SMAGP: variants seen among roughly 807,000 people sequenced by gnomAD.
SMAGP encodes small cell transmembrane and glycosylated protein.
A neutral mutation model predicts 10.1 loss-of-function variants in SMAGP; 7 were observed. The ratio of observed to expected loss-of-function variants is 0.70; its 90% CI spans 0.40 to 1.31. The LOEUF (loss-of-function observed/expected upper bound fraction) is 1.31. Ranked by LOEUF, SMAGP falls within the 50% of genes most tolerant of loss-of-function variation. The pLI, the probability that SMAGP is intolerant of heterozygous loss-of-function variation, is 0.01. For synonymous variants in SMAGP, 49 were observed against 47.2 expected (o/e 1.04, Z -0.16); for missense variants, 113 against 116.5 (o/e 0.97, Z 0.14).
chr12:51,253,918 A>G (rs1004975198), intron 2 of SMAGP, among the ~76,000 whole-genome samples: 1 of 152,228 alleles, frequency 6.6e-6, no homozygotes, highest in Non-Finnish European at 1.5e-5. Context: ...ACAAAAAAAA[A>G]GAGGACAAAC....
At chr12:51,257,455 AT>A (rs1944895592) in intron 2 of SMAGP, among the ~76,000 whole-genome samples, 1 of 152,170 alleles carries the variant, frequency 6.6e-6, no homozygotes, top group Non-Finnish European at 1.5e-5. Context: ...TGTGCCTATA[AT>A]CCCAGCACTT....
intron 2 of SMAGP, among the ~76,000 whole-genome samples, chr12:51,247,490 G>T (rs572270958): frequency 3.9e-5 from 6 of 151,974 alleles, no homozygotes; most frequent in African/African-American, 7.3e-5. Flanking sequence ...CTCCTGCTAC[G>T]GGTTTATTTA....
intron 2 of SMAGP, among the ~76,000 whole-genome samples, chr12:51,255,072 G>C (rs1430694220): frequency 1.3e-5 from 2 of 152,096 alleles, no homozygotes; most frequent in Admixed American, 1.3e-4. Context: ...GCCTCAGTCT[G>C]TCCTCCAGGC....
chr12:51,256,126 A>C (rs1944882686), intron 2 of SMAGP, among the ~76,000 whole-genome samples: 2 of 152,130 alleles, frequency 1.3e-5, no homozygotes, highest in African/African-American at 4.8e-5. Flanking sequence ...TCAGTGAGAA[A>C]GTGGTGAGAT....
At chr12:51,257,992 A>AAAAAAT (rs1944900845) in intron 2 of SMAGP, among the ~76,000 whole-genome samples, 1 of 152,138 alleles carries the variant, frequency 6.6e-6, no homozygotes, top group Admixed American at 6.6e-5. Context: ...ATCTCTACAA[A>AAAAAAT]AAAAATAAAA....
intron 2 of SMAGP, among the ~76,000 whole-genome samples, chr12:51,264,884 A>T (rs1944961334): frequency 1.4e-5 from 2 of 147,980 alleles, no homozygotes; most frequent in Non-Finnish European, 3.0e-5. Context: ...GTGAGCCGAG[A>T]TGGTGCCACT....
At chr12:51,258,873 G>C (rs1379519706) in intron 2 of SMAGP, among the ~76,000 whole-genome samples, 1 of 151,112 alleles carries the variant, frequency 6.6e-6, no homozygotes, top group Admixed American at 6.6e-5. Flanking sequence ...AAGGCTGGGT[G>C]CAGTGGCTCA....
rs1944751770 is a variant in SMAGP, at chr12:51,245,287, A to T, written c.*654T>A. On this transcript the variant is annotated 3_prime_UTR_variant, in exon 4 of 4. Coordinates refer to ENST00000603798, the MANE Select transcript of SMAGP (RefSeq NM_001031628.2). Reference sequence around the variant, plus strand: ...AAAGGCGTTAAATAGGGAAAAGAAAATGTCAAAAATGTTTAAGCAAAAATA... The same window carrying T: ...AAAGGCGTTAAATAGGGAAAAGAAATTGTCAAAAATGTTTAAGCAAAAATA... 1 of 152,512 alleles carries T rather than the reference A, an allele frequency of 6.6e-6. No homozygotes were observed. Among genetic ancestry groups the T allele is most frequent in the South Asian group, 2.1e-4 (1 of 4,828 alleles). The allele number at this position is 152,512 out of a possible 1,614,324, so 9.4% of individuals were successfully genotyped here. A position where few individuals can be genotyped will look rare whatever the true frequency, so the allele number is the denominator to read the frequency against.
chr12:51,263,327 T>G (rs1944945582), intron 2 of SMAGP, among the ~76,000 whole-genome samples: 1 of 150,652 alleles, frequency 6.6e-6, no homozygotes, highest in Non-Finnish European at 1.5e-5. Flanking sequence ...AGGTTGCAGT[T>G]AGCCGAGATT....
chr12:51,253,565 T>C (rs927843618), intron 2 of SMAGP: 2 of 151,840 alleles, frequency 1.3e-5, no homozygotes, highest in Non-Finnish European at 2.9e-5. Flanking sequence ...AAATGTGGTA[T>C]ATACATACCC....
intron 2 of SMAGP, among the ~76,000 whole-genome samples, chr12:51,263,340 A>C (rs1041313039): frequency 2.6e-5 from 4 of 151,404 alleles, no homozygotes; most frequent in African/African-American, 9.7e-5. Flanking sequence ...CCGAGATTGC[A>C]CCACTACACT....
At position 51,246,113 on chromosome 12, in the gene SMAGP, A is replaced by G. The variant is rs1944766647; in HGVS notation, c.122T>C (p.Ile41Thr). 1.9e-6 allele frequency: 3 copies of G among 1,613,900 alleles called. No individual in the cohort carries two copies. Among genetic ancestry groups the G allele is most frequent in the South Asian group, 1.1e-5 (1 of 91,070 alleles). ...GASTALIAVV[I>T]TVVFLTLLSV... ...GAGCAGGGTGAGGAAGACAACGGTG[A>G]TAACAACTTGGAAAGGAGAGGGAAA... is the stretch of plus-strand genomic sequence containing the variant. Residue 41 changes from isoleucine to threonine, a missense_variant, in exon 4 of 4, where the codon ATC becomes ACC. By Grantham distance (89) the Ile-to-Thr change is moderately conservative. Coordinates refer to ENST00000603798, the MANE Select transcript of SMAGP (RefSeq NM_001031628.2).
chr12:51,247,747 A>C (rs927956854), intron 2 of SMAGP, among the ~76,000 whole-genome samples: 3 of 152,182 alleles, frequency 2.0e-5, no homozygotes, highest in African/African-American at 7.2e-5. Flanking sequence ...CATAAACAGC[A>C]ACACTCACCC....
At chr12:51,253,541 T>C (rs1469548944) in intron 2 of SMAGP, 1 of 147,852 alleles carries the variant, frequency 6.8e-6, no homozygotes, top group Non-Finnish European at 1.5e-5. Context: ...CAACAGTAGA[T>C]AAATGGATAA....
rs373211439 is a variant in SMAGP, at chr12:51,256,490, G to A, written c.35-9659C>T. The stretch of plus-strand genomic sequence containing the variant: ...TAATCCCAGCAATTTGGGAGGCAGA[G>A]GCAGGCGGATCACCTGAGGTCAGCA... On this transcript the variant is annotated intron_variant, in intron 2 of 3. Coordinates refer to ENST00000603798, the MANE Select transcript of SMAGP (RefSeq NM_001031628.2). 2.6e-5 allele frequency among the ~76,000 whole-genome samples: 4 copies of A among 152,292 alleles called. No homozygotes were observed. The South Asian group carries it at 6.2e-4, about 24-fold the overall frequency.
At chr12:51,253,963 C>T (rs1944864843) in intron 2 of SMAGP, among the ~76,000 whole-genome samples, 1 of 152,026 alleles carries the variant, frequency 6.6e-6, no homozygotes, top group South Asian at 2.1e-4. Flanking sequence ...GTGCTTAGAG[C>T]AATCAAATTC....
chr12:51,267,348 T>G (rs548747685), intron 2 of SMAGP, among the ~76,000 whole-genome samples: 25 of 152,128 alleles, frequency 1.6e-4, no homozygotes, highest in Admixed American at 1.2e-3. Flanking sequence ...GAAAAAGGTA[T>G]TCTACGTTTC....
At chr12:51,263,714 G>T (rs1230571249) in intron 2 of SMAGP, among the ~76,000 whole-genome samples, 5 of 152,200 alleles carry the variant, frequency 3.3e-5, no homozygotes, top group Non-Finnish European at 7.3e-5. Flanking sequence ...GGCACGGTGG[G>T]CAAAGCCCAC....
chr12:51,250,312 GT>G (rs1251054409), intron 2 of SMAGP, among the ~76,000 whole-genome samples: 1 of 151,986 alleles, frequency 6.6e-6, no homozygotes, highest in Non-Finnish European at 1.5e-5. Context: ...AGCCCAGGGG[GT>G]TAAGCCTGCA....
Sources: allele counts gnomAD v4.1 joint callset (sites outside exome capture counted in the v4.1 genomes callset), GRCh38; gene constraint gnomAD v4.1.1; transcripts MANE v1.5; gene names NCBI Gene and HGNC (gene_info 2026-07-23, HGNC 2026-07-21).